SMC1B: variants seen among roughly 807,000 people sequenced by gnomAD.
SMC1B encodes the protein structural maintenance of chromosomes 1B.
A neutral mutation model predicts 157.9 loss-of-function variants in SMC1B; 60 were observed. That is an observed-to-expected ratio of 0.38 (90% CI 0.31 to 0.47). The LOEUF is 0.47. SMC1B is among the 20% of genes least tolerant of loss of function. SMC1B has a pLI of 0.99. For missense variants in SMC1B, 1,165 were observed against 1,426.2 expected, an observed-to-expected ratio of 0.82 and a Z score of 2.95; for synonymous variants, 445 against 483.0, an observed-to-expected ratio of 0.92 and a Z score of 1.03.
intron 5 of SMC1B, among the ~76,000 whole-genome samples, 187 bp from the exon 6 acceptor site, chr22:45,399,540 C>T (rs2087167612): frequency 6.6e-6 from 1 of 152,146 alleles, no homozygotes; most frequent in Non-Finnish European, 1.5e-5. Flanking sequence ...AGCACACGGT[C>T]ACTTTTGAGA....
intron 16 of SMC1B, 102 bp from the exon 17 acceptor site, chr22:45,362,086 C>T (rs1004933145): frequency 1.7e-6 from 2 of 1,191,748 alleles, no homozygotes; most frequent in African/African-American, 3.1e-5. Context: ...CCGAGATGAA[C>T]CTTCTCACCC....
In SMC1B at chr22:45,406,496, C is replaced by T. The variant is rs369819229; in HGVS notation, c.579G>A (p.Ala193=). 1.4e-5 allele frequency: 23 copies of T among 1,611,852 alleles called. No homozygotes were observed. The highest frequency in any genetic ancestry group is 8.4e-5 in the Admixed American group (5 of 59,756). Residue 193 remains alanine, a synonymous_variant, in exon 4 of 25, where the codon GCG becomes GCA. Transcript: ENST00000357450. ...QFNFNKKKNI[A]AERRQAKLEK... ...CTAATTTTGCTTGTCTGCGCTCTGCCGCTATATTTTTTTTCTTATTAAAGT... is the reference window on the plus strand; with the variant it reads ...CTAATTTTGCTTGTCTGCGCTCTGCTGCTATATTTTTTTTCTTATTAAAGT...
chr22:45,355,547 G>A (rs1032996381), intron 19 of SMC1B, among the ~76,000 whole-genome samples: 1 of 152,068 alleles, frequency 6.6e-6, no homozygotes, highest in Non-Finnish European at 1.5e-5. Flanking sequence ...TTGAGCTCCT[G>A]ACCTTAAGCA....
In SMC1B at chr22:45,361,866, T is replaced by G; in HGVS notation, c.2681A>C (p.Glu894Ala). Residue 894 changes from glutamate to alanine, a missense_variant, in exon 17 of 25, where the codon GAA becomes GCA. Glu to Ala is a moderately radical substitution (Grantham distance 107). Transcript: ENST00000357450. Reference sequence around the variant, plus strand: ...ATCAACAGCCAGAAACTTCTTCCGTTCCTCTTCAATTTGAGTTTGAACTTT... The same window carrying G: ...ATCAACAGCCAGAAACTTCTTCCGTGCCTCTTCAATTTGAGTTTGAACTTT... ...AEKVQTQIEE[E>A]RKKFLAVDRE... 1 of 1,614,102 alleles carries G rather than the reference T, an allele frequency of 6.2e-7. No individual in the cohort carries two copies. The highest frequency in any genetic ancestry group is 8.5e-7 in the Non-Finnish European group (1 of 1,179,980).
At chr22:45,395,733 T>C (rs1212164014) in intron 7 of SMC1B, among the ~76,000 whole-genome samples, 2 of 152,208 alleles carry the variant, frequency 1.3e-5, no homozygotes, top group African/African-American at 4.8e-5. Context: ...GGCGCATGCC[T>C]GTAATCCCAA....
At chr22:45,391,257 T>C (rs184140968) in intron 9 of SMC1B, among the ~76,000 whole-genome samples, 15 of 152,336 alleles carry the variant, frequency 9.8e-5, no homozygotes, top group Non-Finnish European at 1.8e-4. Flanking sequence ...ATGTTATTTA[T>C]TACTTACATG....
chr22:45,348,843 T>C (rs2086578794), intron 23 of SMC1B, among the ~76,000 whole-genome samples: 1 of 151,414 alleles, frequency 6.6e-6, no homozygotes, highest in Admixed American at 6.6e-5. Context: ...GGACCACAGA[T>C]GTGTGCCACC....
rs2086817086 is a variant in SMC1B, at chr22:45,370,122, A to G, written c.2314-62T>C. The G allele has an allele frequency of 7.2e-6, 7 of 977,854 alleles. No individual in the cohort carries two copies. The Admixed American group carries it at 2.3e-4, about 33-fold the overall frequency. 60.6% of individuals were successfully genotyped at this position (977,854 alleles called of 1,614,324 possible). A position where few individuals can be genotyped will look rare whatever the true frequency, so the allele number is the denominator to read the frequency against. ...AATTTTAAGAAATATATAATCTTAA[A>G]TATGTTTTTCCCTCCAAGATTTTCC... On this transcript the variant is annotated intron_variant, in intron 14 of 24. Coordinates refer to ENST00000357450, the MANE Select transcript of SMC1B (RefSeq NM_148674.5).
At chr22:45,359,996 T>C in intron 17 of SMC1B, 38 bp from the exon 18 acceptor site, 2 of 1,548,344 alleles carry the variant, frequency 1.3e-6, no homozygotes. Flanking sequence ...ATTTTACTCA[T>C]TATGTAACAC....
chr22:45,387,610 A>C (rs2087003885), intron 10 of SMC1B, among the ~76,000 whole-genome samples: 1 of 152,250 alleles, frequency 6.6e-6, no homozygotes, highest in African/African-American at 2.4e-5. Context: ...CTCTGTCATT[A>C]ACTAGTCAGG....
At position 45,406,642 on chromosome 22, in the gene SMC1B, C is replaced by G. The variant is rs746956632; in HGVS notation, c.433G>C (p.Val145Leu). Reference sequence around the variant, plus strand: ...TGGGTCCTTTCTTTGGGTTTCTTCACTGAAATTGACTCTACAGTTCCCTTT... The same window carrying G: ...TGGGTCCTTTCTTTGGGTTTCTTCAGTGAAATTGACTCTACAGTTCCCTTT... Reference protein sequence around the residue: ...VFQGTVESISVKKPKERTQFF... With the variant: ...VFQGTVESISLKKPKERTQFF... The change falls in exon 4 of 25, where the codon GTG (valine) becomes CTG (leucine). Residue 145 changes from valine (V) to leucine (L), a missense_variant. By Grantham distance (32) the Val-to-Leu change is conservative. Transcript: ENST00000357450. 10 of 1,613,058 alleles carry G rather than the reference C, an allele frequency of 6.2e-6. No individual in the cohort carries two copies. The South Asian group carries it at 9.9e-5, about 16-fold the overall frequency.
At chr22:45,391,245 CTA>C (rs1460920658) in intron 9 of SMC1B, among the ~76,000 whole-genome samples, 3 of 152,082 alleles carry the variant, frequency 2.0e-5, no homozygotes, top group African/African-American at 4.8e-5. Context: ...GTTAATTTGT[CTA>C]TGTTATTTAT....
chr22:45,391,050 C>A (rs528445840), intron 9 of SMC1B, among the ~76,000 whole-genome samples: 1 of 150,294 alleles, frequency 6.7e-6, no homozygotes, highest in Non-Finnish European at 1.5e-5. Context: ...GCTGTGTAAT[C>A]CATTATTTGC....
intron 11 of SMC1B, 84 bp from the exon 12 acceptor site, chr22:45,383,697 G>A (rs1482190319): frequency 2.5e-6 from 3 of 1,207,868 alleles, no homozygotes; most frequent in Non-Finnish European, 3.4e-6. Flanking sequence ...TTAAAGCTAA[G>A]AATAAAACAT....
rs1185348338 is a variant in SMC1B at position 45,387,335 on chromosome 22, A to C, written c.1732-289T>G. On this transcript the variant is annotated intron_variant, in intron 10 of 24. Coordinates refer to ENST00000357450, the MANE Select transcript of SMC1B (RefSeq NM_148674.5). The stretch of plus-strand genomic sequence containing the variant: ...CATGGTGGCACATGCCTGTAATCCC[A>C]GCTACTCAGGAGGCTGAGGCAGGAG... Among the ~76,000 whole-genome samples the C allele has an allele frequency of 7.2e-5, 11 of 152,260 alleles. No homozygotes were observed. In the East Asian group the frequency reaches 2.1e-3, roughly 29 times the overall value.
intron 6 of SMC1B, among the ~76,000 whole-genome samples, chr22:45,398,548 G>A (rs932654038): frequency 6.6e-6 from 1 of 152,126 alleles, no homozygotes; most frequent in African/African-American, 2.4e-5. Context: ...ATCCTGCATC[G>A]GCCGGGCATG....
intron 12 of SMC1B, among the ~76,000 whole-genome samples, 199 bp from the exon 13 acceptor site, chr22:45,372,491 A>G (rs1602065784): frequency 1.3e-5 from 2 of 152,298 alleles, no homozygotes; most frequent in Middle Eastern, 6.8e-3. Context: ...GCTTCCTCAA[A>G]AAAACTAACA....
intron 4 of SMC1B, among the ~76,000 whole-genome samples, chr22:45,405,270 A>G (rs1341987677): frequency 1.3e-5 from 2 of 152,208 alleles, no homozygotes; most frequent in African/African-American, 4.8e-5. Flanking sequence ...TATAAGAGAC[A>G]AGATTCTTGG....
rs1033318428 is a variant in SMC1B, at chr22:45,389,704, G to T, written c.1731+8C>A. On this transcript the variant is annotated splice_region_variant and intron_variant, in intron 10 of 24. Coordinates refer to ENST00000357450, the MANE Select transcript of SMC1B (RefSeq NM_148674.5). ...CACTATAAATACCAGGCATTACAAA[G>T]TTCTTACATCAAGGTAATCTAGAGC... The T allele has an allele frequency of 6.2e-7, 1 of 1,609,338 alleles. No homozygotes were observed. Among genetic ancestry groups the T allele is most frequent in the Non-Finnish European group, 8.5e-7 (1 of 1,176,934 alleles).
Sources: allele counts gnomAD v4.1 joint callset (sites outside exome capture counted in the v4.1 genomes callset), GRCh38; gene constraint gnomAD v4.1.1; transcripts MANE v1.5; gene names NCBI Gene and HGNC (gene_info 2026-07-23, HGNC 2026-07-21).